MACF1: variants seen among roughly 807,000 people sequenced by gnomAD.
MACF1 encodes microtubule-actin cross-linking factor 1.
In MACF1, 193 loss-of-function variants were observed where a neutral mutation model predicts 854.8. The ratio of observed to expected loss-of-function variants is 0.23; its 90% CI spans 0.20 to 0.25. The LOEUF is 0.25. Ranked by LOEUF, MACF1 falls within the 10% of genes least tolerant of loss-of-function variation. The pLI is 1.00. For missense variants in MACF1, 7,722 were observed against 8,929.1 expected (o/e 0.86, Z 5.45); for synonymous variants, 3,185 against 3,226.7 (o/e 0.99, Z 0.44).
At chr1:39,109,597 C>G (rs1052030476) in intron 2 of MACF1, among the ~76,000 whole-genome samples, 2 of 151,680 alleles carry the variant, frequency 1.3e-5, no homozygotes, top group Non-Finnish European at 2.9e-5. Context: ...TAACTCTTTT[C>G]TCTCCTTTTT....
At chr1:39,210,301 A>T (rs1309017897) in intron 1 of MACF1, among the ~76,000 whole-genome samples, 1 of 152,080 alleles carries the variant, frequency 6.6e-6, no homozygotes, top group African/African-American at 2.4e-5. Flanking sequence ...TATCTAACAT[A>T]TCTTTGCTCA....
At chr1:39,478,736 G>T (rs1644958524) in intron 97 of MACF1, among the ~76,000 whole-genome samples, 1 of 152,154 alleles carries the variant, frequency 6.6e-6, no homozygotes, top group South Asian at 2.1e-4. Flanking sequence ...AAAATTTCCT[G>T]CCACCTTCTA....
intron 58 of MACF1, among the ~76,000 whole-genome samples, chr1:39,393,194 AAAATATATATATAT>A (rs1294377100): frequency 3.8e-5 from 3 of 79,250 alleles, no homozygotes; most frequent in Admixed American, 2.6e-4. Flanking sequence ...AAAAAAAAAA[AAAATATATATATAT>A]ATATATATAT....
chr1:39,186,466 T>C (rs1387959212), intron 2 of MACF1, among the ~76,000 whole-genome samples: 1 of 152,006 alleles, frequency 6.6e-6, no homozygotes, highest in African/African-American at 2.4e-5. Context: ...ACCTATAGGA[T>C]AAAATCCAAA....
chr1:39,483,032 G>A (rs1017164493), intron 99 of MACF1, among the ~76,000 whole-genome samples: 4 of 131,074 alleles, frequency 3.1e-5, no homozygotes, highest in African/African-American at 1.2e-4. Context: ...GCTGCAATGA[G>A]CCATGAAGTA....
chr1:39,157,474 T>C (rs945004248), intron 2 of MACF1, among the ~76,000 whole-genome samples: 1 of 152,262 alleles, frequency 6.6e-6, no homozygotes, highest in African/African-American at 2.4e-5. Context: ...GTGAGCCAGG[T>C]TGTCTGAAAA....
Position 39,093,797 on chromosome 1 carries a change from CT to C in MACF1, c.220+9367del, listed in dbSNP as rs988724438. On this transcript the variant is annotated intron_variant, in intron 2 of 93. Coordinates refer to the MACF1 transcript ENST00000361689. Reference sequence around the variant, plus strand: ...TCACGCCCGGCCAAGGGATTCTTTTCTTTTTTTTGAGACGGAGTCTTGCGCT... The same window carrying C: ...TCACGCCCGGCCAAGGGATTCTTTTCTTTTTTTGAGACGGAGTCTTGCGCT... Among the ~76,000 whole-genome samples the C allele has an allele frequency of 3.4e-5, 5 of 146,858 alleles. No individual in the cohort carries two copies. In the East Asian group the frequency reaches 8.2e-4, roughly 24 times the overall value.
intron 2 of MACF1, among the ~76,000 whole-genome samples, chr1:39,234,721 C>T (rs1282341094): frequency 6.6e-5 from 9 of 135,364 alleles, no homozygotes; most frequent in African/African-American, 1.9e-4. Context: ...GGGCGGCTGC[C>T]GGGCGGAGGG....
At chr1:39,197,244 T>C (rs149626023) in intron 2 of MACF1, among the ~76,000 whole-genome samples, 199 of 150,520 alleles carry the variant, frequency 1.3e-3, no homozygotes, top group African/African-American at 4.2e-3. Flanking sequence ...TATAAATATA[T>C]ACACACACAC....
intron 70 of MACF1, 60 bp downstream of exon 70, chr1:39,435,821 C>A: frequency 6.8e-7 from 1 of 1,474,094 alleles, no homozygotes; most frequent in Non-Finnish European, 9.4e-7. Flanking sequence ...CAAGAGGTCT[C>A]TGTATCAGGT....
At chr1:39,343,776 G>A (rs1425024587) in intron 40 of MACF1, among the ~76,000 whole-genome samples, 1 of 152,218 alleles carries the variant, frequency 6.6e-6, no homozygotes, top group African/African-American at 2.4e-5. Context: ...GCATAAGGCA[G>A]GGGGAGAGAC....
chr1:39,302,535 T>A (rs1411951560), intron 22 of MACF1, among the ~76,000 whole-genome samples: 1 of 152,172 alleles, frequency 6.6e-6, no homozygotes, highest in Non-Finnish European at 1.5e-5. Flanking sequence ...TTGGGTGGGA[T>A]GATAGGAAGT....
Position 39,449,804 on chromosome 1 carries a change from C to T in MACF1, c.20258+1041C>T, listed in dbSNP as rs144138823. On this transcript the variant is annotated intron_variant, in intron 84 of 100. Transcript: ENST00000564288. ...CTCCTGGGCTCAAGGGATCCTCCCACCTCAGCCTCTTGAGTAGCTCAGACT... is the reference window on the plus strand; with the variant it reads ...CTCCTGGGCTCAAGGGATCCTCCCATCTCAGCCTCTTGAGTAGCTCAGACT... Among the ~76,000 whole-genome samples, 616 of 151,760 alleles carry T rather than the reference C, an allele frequency of 4.1e-3. 1 individual carries two copies. Among genetic ancestry groups the T allele is most frequent in the Non-Finnish European group, 7.2e-3 (489 of 67,964 alleles).
intron 61 of MACF1, 66 bp from the exon 62 acceptor site, chr1:39,427,389 A>C: frequency 1.5e-6 from 2 of 1,329,986 alleles, no homozygotes; most frequent in Non-Finnish European, 2.1e-6. Context: ...TTTACTGAGT[A>C]TAGTACTATT....
intron 67 of MACF1, 56 bp downstream of exon 67, chr1:39,432,710 G>A: frequency 6.5e-7 from 1 of 1,547,288 alleles, no homozygotes; most frequent in Middle Eastern, 1.7e-4. Context: ...AGAGTGACTA[G>A]GAGAGTTTCT....
rs113965164 is a variant in MACF1, at chr1:39,239,284, AAAACAAACAAACAAAC to A, written c.171+8057_171+8072del. Among the ~76,000 whole-genome samples, 24 of 150,750 alleles carry A rather than the reference AAAACAAACAAACAAAC, an allele frequency of 1.6e-4. No homozygotes were observed. The South Asian group carries it at 4.2e-3, about 27-fold the overall frequency. On this transcript the variant is annotated intron_variant, in intron 2 of 100. Transcript: ENST00000564288. ...TGACAGAGCGAGACTCTGTCTCAAA[AAAACAAACAAACAAAC>A]AAACAAACAAACAAAAAACACCACA...
intron 52 of MACF1, among the ~76,000 whole-genome samples, chr1:39,377,987 G>T (rs931218038): frequency 2.6e-5 from 4 of 151,634 alleles, no homozygotes; most frequent in Non-Finnish European, 5.9e-5. Context: ...CTGGGCAACA[G>T]AGTGAGACTC....
chr1:39,192,036 A>G (rs1253968117), intron 2 of MACF1, among the ~76,000 whole-genome samples: 1 of 152,180 alleles, frequency 6.6e-6, no homozygotes, highest in East Asian at 1.9e-4. Flanking sequence ...CTGTAATCCC[A>G]GCTACTCAGG....
chr1:39,193,516 C>CATA (rs1644281664), intron 2 of MACF1, among the ~76,000 whole-genome samples: 1 of 152,170 alleles, frequency 6.6e-6, no homozygotes, highest in Admixed American at 6.5e-5. Flanking sequence ...GTGTGGTAAT[C>CATA]ATAATAACAA....
Sources: allele counts gnomAD v4.1 joint callset (sites outside exome capture counted in the v4.1 genomes callset), GRCh38; gene constraint gnomAD v4.1.1; transcripts MANE v1.5; gene names NCBI Gene and HGNC (gene_info 2026-07-23, HGNC 2026-07-21).